GOLGA1: variants seen among roughly 807,000 people sequenced by gnomAD.
GOLGA1 encodes golgin A1.
Under a neutral mutation model 119.7 loss-of-function variants are expected in GOLGA1, and 63 were observed. The observed-to-expected ratio is 0.53, with a 90% CI of 0.43 to 0.65. The LOEUF (loss-of-function observed/expected upper bound fraction) is 0.65. Among genes scored for constraint, GOLGA1 ranks in the 30% least tolerant of loss-of-function variants. The pLI is 0.00. For missense variants in GOLGA1, 798 were observed against 912.8 expected (o/e 0.87, Z 1.62); for synonymous variants, 318 against 333.4 (o/e 0.95, Z 0.50).
At chr9:124,923,059 T>G in intron 8 of GOLGA1, 36 bp downstream of exon 8, 1 of 1,463,860 alleles carries the variant, frequency 6.8e-7, no homozygotes, top group South Asian at 1.2e-5. Context: ...AATAATCATC[T>G]ATTCAGTATT....
rs781497733 is a variant in GOLGA1, at chr9:124,889,543, G to A, written c.1498-7C>T. 1.9e-6 allele frequency: 3 copies of A among 1,589,974 alleles called. No individual in the cohort carries two copies. The highest frequency in any genetic ancestry group is 1.7e-4 in the Middle Eastern group (1 of 6,008). ...TGGCTGTCAGGTTAGCTGCCTTGGA[G>A]AGAAAAATCAACAAGAGGGAAGGTT... On this transcript the variant is annotated splice_region_variant and splice_polypyrimidine_tract_variant and intron_variant, in intron 16 of 22. Coordinates refer to ENST00000373555, the MANE Select transcript of GOLGA1 (RefSeq NM_002077.4).
At chr9:124,892,033 C>T (rs1829867745) in intron 15 of GOLGA1, among the ~76,000 whole-genome samples, 1 of 151,062 alleles carries the variant, frequency 6.6e-6, no homozygotes, top group South Asian at 2.1e-4. Context: ...CAGCTCACTG[C>T]AATCTCTGAC....
intron 10 of GOLGA1, among the ~76,000 whole-genome samples, chr9:124,913,885 G>A (rs1830386558): frequency 6.6e-6 from 1 of 152,162 alleles, no homozygotes; most frequent in Non-Finnish European, 1.5e-5. Context: ...GGGTGGAAGA[G>A]GAACAATCAT....
chr9:124,941,279 AG>A (rs1324460786), upstream of GOLGA1, among the ~76,000 whole-genome samples: 1 of 152,248 alleles, frequency 6.6e-6, no homozygotes, highest in Non-Finnish European at 1.5e-5. Context: ...GAGCGGCCAG[AG>A]CCACAGATGA....
Position 124,881,890 on chromosome 9 carries a change from A to G in GOLGA1, c.2030T>C (p.Met677Thr). ...REKPGPEMAN[M>T]APSVTNNTDL... ...AGTGTTATTCGTGACGGAAGGCGCC[A>G]TGTTTGCCATCTCAGGTCCAGGTTT... Residue 677 changes from methionine (M) to threonine (T), a missense_variant, in exon 21 of 23, where the codon ATG (methionine) becomes ACG (threonine). Physicochemically the swap from Met to Thr is moderately conservative, Grantham distance 81 (BLOSUM62 -1). Coordinates refer to ENST00000373555, the MANE Select transcript of GOLGA1 (RefSeq NM_002077.4). The surrounding 1 kb of genome is among the most constrained non-coding windows in gnomAD (Gnocchi z 4.9). The G allele has an allele frequency of 1.2e-6, 2 of 1,612,584 alleles. No individual in the cohort carries two copies. The highest frequency in any genetic ancestry group is 2.2e-5 in the East Asian group (1 of 44,846).
At chr9:124,904,900 C>T (rs1198539468) in intron 12 of GOLGA1, among the ~76,000 whole-genome samples, 3 of 147,240 alleles carry the variant, frequency 2.0e-5, no homozygotes, top group South Asian at 2.1e-4. Flanking sequence ...GCCAAGATTG[C>T]ACCACTGGAC....
intron 8 of GOLGA1, among the ~76,000 whole-genome samples, chr9:124,922,859 A>AAAAAC (rs375638415): frequency 2.6e-4 from 40 of 152,102 alleles, no homozygotes; most frequent in Admixed American, 3.3e-4. Context: ...CCCAGTAGTT[A>AAAAAC]AAAACAAAAC....
chr9:124,915,333 T>C (rs1830418720), intron 10 of GOLGA1, among the ~76,000 whole-genome samples: 1 of 152,254 alleles, frequency 6.6e-6, no homozygotes, highest in African/African-American at 2.4e-5. Flanking sequence ...AGTCCCTATC[T>C]GTAAAGCTCT....
intron 15 of GOLGA1, among the ~76,000 whole-genome samples, chr9:124,890,965 G>A (rs1320871322): frequency 6.6e-6 from 1 of 152,074 alleles, no homozygotes; most frequent in Non-Finnish European, 1.5e-5. Context: ...GGCCATCCTG[G>A]GTAACACAGT....
In GOLGA1 at chr9:124,931,249, T is replaced by G; in HGVS notation, c.226+67A>C. ...CTATAAAGTCATCCTATATGGCTAT[T>G]TTATAGGAAGAGAGTCAAGCAAGGC... On this transcript the variant is annotated intron_variant, in intron 4 of 22. Transcript: ENST00000373555. The G allele has an allele frequency of 1.0e-5, 8 of 791,854 alleles. No individual in the cohort carries two copies. The South Asian group carries it at 1.1e-4, about 11-fold the overall frequency. 49.1% of individuals were successfully genotyped at this position (791,854 alleles called of 1,614,324 possible).
At chr9:124,922,859 AAAAACAAAAC>A (rs375638415) in intron 8 of GOLGA1, among the ~76,000 whole-genome samples, 13 of 152,104 alleles carry the variant, frequency 8.5e-5, no homozygotes, top group African/African-American at 2.7e-4. Flanking sequence ...CCCAGTAGTT[AAAAACAAAAC>A]AAAACAAAAC....
chr9:124,937,905 A>G (rs1288172565), intron 3 of GOLGA1, among the ~76,000 whole-genome samples: 1 of 151,840 alleles, frequency 6.6e-6, no homozygotes, highest in African/African-American at 2.4e-5. Flanking sequence ...CAACATGGTA[A>G]AAACCTGTCT....
At chr9:124,899,218 T>C in intron 14 of GOLGA1, 111 bp downstream of exon 14, 1 of 977,486 alleles carries the variant, frequency 1.0e-6, no homozygotes, top group East Asian at 2.7e-5. Context: ...AGCTGCCTTC[T>C]AAAGTGGTTT....
Position 124,880,262 on chromosome 9 carries a change from C to G in GOLGA1, c.*268G>C. On this transcript the variant is annotated 3_prime_UTR_variant, in exon 23 of 23. Coordinates refer to ENST00000373555, the MANE Select transcript of GOLGA1 (RefSeq NM_002077.4). ...AGAGGATTCAGGTGCAGATGGGGTG[C>G]TGGCTGGAGCTGGGATATTAGCAGC... 1 of 301,732 alleles carries G rather than the reference C, an allele frequency of 3.3e-6. No individual in the cohort carries two copies. The highest frequency in any genetic ancestry group is 7.6e-5 in the East Asian group (1 of 13,144). 18.7% of individuals were successfully genotyped at this position (301,732 alleles called of 1,614,324 possible).
intron 7 of GOLGA1, 89 bp downstream of exon 7, chr9:124,926,620 C>G: frequency 1.2e-6 from 1 of 824,234 alleles, no homozygotes; most frequent in Non-Finnish European, 2.2e-6. Context: ...GGTGGTATAG[C>G]AATCAGTATG....
intron 12 of GOLGA1, among the ~76,000 whole-genome samples, 200 bp from the exon 13 acceptor site, chr9:124,900,747 T>C (rs767571828): frequency 2.0e-5 from 3 of 152,244 alleles, no homozygotes; most frequent in Non-Finnish European, 2.9e-5. Flanking sequence ...TTAATGACTT[T>C]TGTTTATAGC....
chr9:124,898,595 T>C lies in GOLGA1; in HGVS notation c.1361A>G (p.Tyr454Cys). The change falls in exon 15 of 23, where the codon TAT becomes TGT. Residue 454 changes from tyrosine to cysteine, a missense_variant. Tyr to Cys is a radical substitution (Grantham distance 194). Transcript: ENST00000373555. ...TTGGTGATTTTGTAAAGAACGTTCA[T>C]ATTCATTCCTGCATTCTTTAAGGGC... The part of the protein sequence containing the change: ...NAALKECRNE[Y>C]ERSLQNHQFE... The C allele has an allele frequency of 1.2e-6, 2 of 1,611,204 alleles. No individual in the cohort carries two copies. Among genetic ancestry groups the C allele is most frequent in the Non-Finnish European group, 1.7e-6 (2 of 1,177,454 alleles).
rs941054635 is a variant in GOLGA1, at chr9:124,878,674, A to G, written c.*1856T>C. 1 of 152,206 alleles carries G rather than the reference A, an allele frequency of 6.6e-6. No homozygotes were observed. The highest frequency in any genetic ancestry group is 1.5e-5 in the Non-Finnish European group (1 of 68,044). 9.4% of individuals were successfully genotyped at this position (152,206 alleles called of 1,614,324 possible). ...GTACAGACCTAGGAACGGGCCCCAC[A>G]GCTACACCTGAAACTGCCGAGGAGT... is the stretch of plus-strand genomic sequence containing the variant. On this transcript the variant is annotated 3_prime_UTR_variant, in exon 23 of 23. Coordinates refer to ENST00000373555, the MANE Select transcript of GOLGA1 (RefSeq NM_002077.4).
intron 19 of GOLGA1, among the ~76,000 whole-genome samples, chr9:124,884,106 G>C (rs542945869): frequency 1.1e-4 from 17 of 151,734 alleles, no homozygotes; most frequent in Non-Finnish European, 2.9e-5. Context: ...CTGCCTCCTG[G>C]GTTCAAGCAA....
Sources: allele counts gnomAD v4.1 joint callset (sites outside exome capture counted in the v4.1 genomes callset), GRCh38; gene constraint gnomAD v4.1.1; non-coding constraint Gnocchi (gnomAD v3.1); transcripts MANE v1.5; gene names NCBI Gene and HGNC (gene_info 2026-07-23, HGNC 2026-07-21).